The following RBFOX1 variants were observed in gnomAD, a reference collection of about 807,000 sequenced individuals.
RBFOX1 encodes the protein RNA binding protein fox-1 homolog 1.
In RBFOX1, 8 loss-of-function variants were observed where a neutral mutation model predicts 57.7. The observed-to-expected ratio is 0.14, with a 90% confidence interval of 0.08 to 0.25. RBFOX1 has a LOEUF of 0.25. RBFOX1 is among the 10% of genes least tolerant of loss of function. RBFOX1 has a pLI of 1.00. For missense variants in RBFOX1, 611 were observed against 548.5 expected, an observed-to-expected ratio of 1.11 and a Z score of -1.14; for synonymous variants, 326 against 222.4, an observed-to-expected ratio of 1.47 and a Z score of -4.15.
intron 2 of RBFOX1, among the ~76,000 whole-genome samples, chr16:6,612,999 C>T (rs910579300): frequency 5.0e-5 from 7 of 139,200 alleles, no homozygotes; most frequent in African/African-American, 1.9e-4. Flanking sequence ...GTGCCAGTCC[C>T]AGCATGTGTG....
intron 3 of RBFOX1, among the ~76,000 whole-genome samples, chr16:5,759,392 C>A (rs754302114): frequency 6.6e-6 from 1 of 152,174 alleles, no homozygotes; most frequent in Non-Finnish European, 1.5e-5. Flanking sequence ...CGTCTCTCAC[C>A]ACCTTGTACA....
At chr16:5,387,219 G>T (rs1006947972) in intron 1 of RBFOX1, among the ~76,000 whole-genome samples, 1 of 152,104 alleles carries the variant, frequency 6.6e-6, no homozygotes, top group African/African-American at 2.4e-5. Context: ...CTTGGTATAC[G>T]CATGTTGAGG....
intron 1 of RBFOX1, among the ~76,000 whole-genome samples, chr16:6,031,648 C>A (rs896120105): frequency 6.6e-6 from 1 of 152,106 alleles, no homozygotes; most frequent in Admixed American, 6.5e-5. Flanking sequence ...TATGTACATG[C>A]ATGTATGTGG....
At chr16:7,661,844 C>T (rs979413176) in intron 12 of RBFOX1, among the ~76,000 whole-genome samples, 2 of 152,160 alleles carry the variant, frequency 1.3e-5, no homozygotes, top group African/African-American at 4.8e-5. Flanking sequence ...GTCAGCAACA[C>T]CCAAGTAACT....
intron 3 of RBFOX1, among the ~76,000 whole-genome samples, chr16:6,876,540 A>C (rs1331880152): frequency 3.3e-5 from 5 of 152,160 alleles, no homozygotes; most frequent in Non-Finnish European, 5.9e-5. Flanking sequence ...ATTTGTTTGC[A>C]AAAAATTAAG....
intron 4 of RBFOX1, among the ~76,000 whole-genome samples, chr16:5,996,304 G>T (rs2060489338): frequency 6.6e-6 from 1 of 152,180 alleles, no homozygotes; most frequent in Non-Finnish European, 1.5e-5. Context: ...AGACGATGTA[G>T]ACTCCACAGA....
chr16:5,787,991 C>T (rs571134172), intron 3 of RBFOX1, among the ~76,000 whole-genome samples: 1 of 152,312 alleles, frequency 6.6e-6, no homozygotes, highest in South Asian at 2.1e-4. Flanking sequence ...TGCATCCCTT[C>T]CAGCGGGGGC....
At chr16:6,825,870 C>A (rs1368241611) in intron 3 of RBFOX1, among the ~76,000 whole-genome samples, 1 of 152,152 alleles carries the variant, frequency 6.6e-6, no homozygotes, top group Non-Finnish European at 1.5e-5. Context: ...CCTTGGGGAG[C>A]CTTCTGATGT....
At chr16:7,139,176 C>CTCTCTCTCTCTCTCTCTGTG (rs372381673) in intron 4 of RBFOX1, among the ~76,000 whole-genome samples, 2 of 145,790 alleles carry the variant, frequency 1.4e-5, no homozygotes, top group Non-Finnish European at 3.0e-5. Flanking sequence ...CAATCTCTCT[C>CTCTCTCTCTCTCTCTCTGTG]TGTGTGTGTG....
chr16:7,306,045 A>G (rs932558676), intron 4 of RBFOX1, among the ~76,000 whole-genome samples: 22 of 152,206 alleles, frequency 1.4e-4, no homozygotes, highest in Non-Finnish European at 2.6e-4. Flanking sequence ...TACTGAGTTG[A>G]TCTTTTGCCT....
intron 4 of RBFOX1, among the ~76,000 whole-genome samples, chr16:7,420,969 A>T (rs1402522426): frequency 6.7e-6 from 1 of 150,342 alleles, no homozygotes; most frequent in South Asian, 2.1e-4. Flanking sequence ...ACATATATAT[A>T]TATATGTAGT....
intron 3 of RBFOX1, among the ~76,000 whole-genome samples, chr16:6,841,375 C>G (rs986303386): frequency 1.4e-4 from 22 of 152,222 alleles, no homozygotes; most frequent in African/African-American, 3.4e-4. Flanking sequence ...TTGAAATAGC[C>G]TCACTCACAC....
rs74004743 is a variant in RBFOX1 at position 6,107,641 on chromosome 16, G to C, written c.-127+87649G>C. The stretch of plus-strand genomic sequence containing the variant: ...CATAGATGAATGGGTGAATGAATTG[G>C]TGGACGGATGAAAGGATGACTAGAT... On this transcript the variant is annotated intron_variant, in intron 1 of 15. Transcript: ENST00000550418. Among the ~76,000 whole-genome samples, 332 of 149,006 alleles carry C rather than the reference G, an allele frequency of 2.2e-3. 7 individuals are homozygous for C. The highest frequency in any genetic ancestry group is 7.3e-3 in the African/African-American group (298 of 40,708).
intron 14 of RBFOX1, among the ~76,000 whole-genome samples, chr16:7,697,005 G>C (rs554170231): frequency 6.6e-6 from 1 of 152,164 alleles, no homozygotes; most frequent in Non-Finnish European, 1.5e-5. Flanking sequence ...AGGGGTCAGA[G>C]GAAGTTAGGA....
chr16:5,575,490 G>A (rs117415184), intron 2 of RBFOX1, among the ~76,000 whole-genome samples: 255 of 152,204 alleles, frequency 1.7e-3, no homozygotes, highest in Non-Finnish European at 3.1e-3. Context: ...GAATTTCCTT[G>A]CCCACAGCCA....
intron 4 of RBFOX1, among the ~76,000 whole-genome samples, chr16:7,510,666 A>C (rs1320636368): frequency 6.6e-6 from 1 of 152,210 alleles, no homozygotes; most frequent in Admixed American, 6.5e-5. Flanking sequence ...ACTTCTGCAC[A>C]AGAGGGTTTC....
chr16:7,269,484 C>T lies in RBFOX1; in HGVS notation c.27+217386C>T, dbSNP rs1431407905. 2.8e-4 allele frequency among the ~76,000 whole-genome samples: 42 copies of T among 151,620 alleles called. 1 individual carries two copies. ...TGGGACAGAGAGAGAGAGAGGCAGA[C>T]AGAGGAAAAAAGCTTACAGTATTTG... On this transcript the variant is annotated intron_variant, in intron 4 of 15. Transcript: ENST00000550418.
chr16:6,875,862 G>C (rs140327734), intron 3 of RBFOX1, among the ~76,000 whole-genome samples: 1 of 152,126 alleles, frequency 6.6e-6, no homozygotes, highest in African/African-American at 2.4e-5. Context: ...GCCAGTCATG[G>C]TGGTCCATGC....
At chr16:6,836,723 A>G (rs1272529981) in intron 3 of RBFOX1, among the ~76,000 whole-genome samples, 2 of 152,156 alleles carry the variant, frequency 1.3e-5, no homozygotes, top group African/African-American at 4.8e-5. Context: ...CTACAATAAC[A>G]TAGTTCTTTG....
Sources: gnomAD v4.1 joint callset for allele counts (sites outside exome capture counted in the v4.1 genomes callset) on GRCh38, gnomAD v4.1.1 for gene constraint, MANE v1.5 for transcripts, NCBI Gene and HGNC (gene_info 2026-07-23, HGNC 2026-07-21) for gene names.